The following IPO11 variants were observed in gnomAD, a reference collection of about 807,000 sequenced individuals.
IPO11 encodes the protein importin 11.
IPO11 carries 66 observed loss-of-function variants against 143.2 expected under a neutral mutation model. That is an observed-to-expected ratio of 0.46 (90% CI 0.38 to 0.57). The LOEUF (loss-of-function observed/expected upper bound fraction) is 0.57. IPO11 is among the 20% of genes least tolerant of loss of function. IPO11 has a pLI of 0.00. For missense variants in IPO11, 1,026 were observed against 1,141.0 expected (o/e 0.90, Z 1.45); for synonymous variants, 385 against 377.8 (o/e 1.02, Z -0.22).
intron 5 of IPO11, among the ~76,000 whole-genome samples, chr5:62,461,163 TGCTCAACTCTGA>T (rs540590726): frequency 3.5e-4 from 53 of 152,220 alleles, no homozygotes; most frequent in African/African-American, 1.2e-3. Flanking sequence ...AGAGAAATTG[TGCTCAACTCTGA>T]ATACAAGGAA....
At chr5:62,496,237 G>T (rs534393174) in intron 16 of IPO11, among the ~76,000 whole-genome samples, 2 of 151,208 alleles carry the variant, frequency 1.3e-5, no homozygotes, top group South Asian at 4.2e-4. Context: ...GCAGTGAGCC[G>T]AGATTGCCCC....
At chr5:62,504,994 TATTA>T in intron 18 of IPO11, 96 bp downstream of exon 18, 1 of 638,348 alleles carries the variant, frequency 1.6e-6, no homozygotes. Flanking sequence ...ATGTGTTACT[TATTA>T]AAGTTGAATT....
chr5:62,514,375 C>A (rs1244465515), intron 19 of IPO11, among the ~76,000 whole-genome samples: 2 of 152,004 alleles, frequency 1.3e-5, no homozygotes, highest in African/African-American at 4.8e-5. Context: ...GGAACACTCG[C>A]GGCTAGGAGC....
chr5:62,622,615 T>C (rs1307108875), intron 29 of IPO11, among the ~76,000 whole-genome samples: 1 of 152,212 alleles, frequency 6.6e-6, no homozygotes, highest in Non-Finnish European at 1.5e-5. Context: ...CTTTGTCTAA[T>C]TGCTTGAGTT....
chr5:62,464,285 CGTGT>C (rs1554049160), intron 5 of IPO11, among the ~76,000 whole-genome samples: 1 of 151,070 alleles, frequency 6.6e-6, no homozygotes, highest in Non-Finnish European at 1.5e-5. Flanking sequence ...GGACTACAGA[CGTGT>C]ACCACCATGC....
intron 1 of IPO11, among the ~76,000 whole-genome samples, chr5:62,421,357 T>A (rs969709442): frequency 6.6e-6 from 1 of 152,238 alleles, no homozygotes; most frequent in Admixed American, 6.5e-5. Flanking sequence ...AATTTCAGTC[T>A]TCAGTTCTGA....
At chr5:62,529,188 CAG>C (rs754237713) in intron 21 of IPO11, among the ~76,000 whole-genome samples, 1 of 151,966 alleles carries the variant, frequency 6.6e-6, no homozygotes, top group Non-Finnish European at 1.5e-5. Flanking sequence ...TATTTTTAAA[CAG>C]AATTTGAACA....
chr5:62,588,029 T>A (rs1744864339), intron 27 of IPO11, among the ~76,000 whole-genome samples: 1 of 152,224 alleles, frequency 6.6e-6, no homozygotes, highest in African/African-American at 2.4e-5. Flanking sequence ...GCCTCGAATC[T>A]GCTTTGCAGT....
intron 22 of IPO11, among the ~76,000 whole-genome samples, chr5:62,534,063 GTTAA>G (rs944763041): frequency 1.3e-5 from 2 of 152,112 alleles, no homozygotes. Flanking sequence ...TTTAGGATGC[GTTAA>G]TTAAGTATGA....
intron 9 of IPO11, among the ~76,000 whole-genome samples, chr5:62,480,505 C>T (rs772294968): frequency 6.6e-6 from 1 of 152,134 alleles, no homozygotes; most frequent in Non-Finnish European, 1.5e-5. Context: ...ATGGAGATGG[C>T]ATTGAATCTA....
intron 29 of IPO11, among the ~76,000 whole-genome samples, chr5:62,622,526 G>T (rs1255803529): frequency 6.6e-6 from 1 of 152,140 alleles, no homozygotes; most frequent in Non-Finnish European, 1.5e-5. Context: ...CCATTTAATT[G>T]CTCTGAAGAT....
intron 27 of IPO11, among the ~76,000 whole-genome samples, chr5:62,577,827 A>G (rs544103303): frequency 6.6e-6 from 1 of 152,198 alleles, no homozygotes; most frequent in African/African-American, 2.4e-5. Flanking sequence ...AACTGCTTTA[A>G]TATCAAAGGA....
At chr5:62,513,525 C>T (rs1258973378) in intron 19 of IPO11, among the ~76,000 whole-genome samples, 6 of 131,034 alleles carry the variant, frequency 4.6e-5, no homozygotes, top group Admixed American at 7.4e-5. Context: ...GACGGGGCGG[C>T]TGGCCGGGCG....
intron 3 of IPO11, among the ~76,000 whole-genome samples, chr5:62,444,887 C>CAT (rs764557144): frequency 4.0e-5 from 6 of 149,324 alleles, no homozygotes; most frequent in African/African-American, 7.4e-5. Context: ...GAGAGAGAGA[C>CAT]ATATATATAT....
chr5:62,483,019 A>G (rs539500243), intron 9 of IPO11, 82 bp from the exon 10 acceptor site: 2 of 885,648 alleles, frequency 2.3e-6, no homozygotes, highest in Admixed American at 5.5e-5. Flanking sequence ...GATTATTAGT[A>G]AAGTTATAAT....
intron 20 of IPO11, among the ~76,000 whole-genome samples, chr5:62,525,487 G>C (rs977188030): frequency 6.6e-6 from 1 of 151,874 alleles, no homozygotes; most frequent in African/African-American, 2.4e-5. Flanking sequence ...GGGCTCCAGC[G>C]ATCCTCCTGC....
chr5:62,567,492 ATTATTT>A (rs1197098563), intron 27 of IPO11, among the ~76,000 whole-genome samples: 4 of 125,978 alleles, frequency 3.2e-5, no homozygotes, highest in East Asian at 2.3e-4. Flanking sequence ...TATTATTATT[ATTATTT>A]TTTTTACTAT....
chr5:62,429,587 C>CGTGTGT (rs56185914), intron 1 of IPO11, among the ~76,000 whole-genome samples: 17,297 of 128,384 alleles, frequency 0.13, 1,458 homozygotes, highest in Non-Finnish European at 0.18. Flanking sequence ...GTCTGATTTT[C>CGTGTGT]GTGTGTGTGT....
chr5:62,579,860 A>G (rs1475005712), intron 27 of IPO11: 2 of 1,549,454 alleles, frequency 1.3e-6, no homozygotes, highest in South Asian at 2.4e-5. Flanking sequence ...TATTTACAGT[A>G]TAATCAGGTA....
Sources: gnomAD v4.1 joint callset for allele counts (sites outside exome capture counted in the v4.1 genomes callset) on GRCh38, gnomAD v4.1.1 for gene constraint, MANE v1.5 for transcripts, NCBI Gene and HGNC (gene_info 2026-07-23, HGNC 2026-07-21) for gene names.